Variants in SLC31A1 observed in about 807,000 individuals in gnomAD.
SLC31A1 encodes high affinity copper uptake protein 1.
A neutral mutation model predicts 17.2 loss-of-function variants in SLC31A1; 5 were observed. The ratio of observed to expected loss-of-function variants is 0.29; its 90% CI spans 0.15 to 0.61. SLC31A1 has a LOEUF of 0.61. Among genes scored for constraint, SLC31A1 ranks in the 20% least tolerant of loss-of-function variants. The pLI, the probability that SLC31A1 is intolerant of heterozygous loss-of-function variation, is 0.86. For synonymous variants in SLC31A1, 76 were observed against 78.8 expected, an observed-to-expected ratio of 0.96 and a Z score of 0.19; for missense variants, 161 against 241.4, an observed-to-expected ratio of 0.67 and a Z score of 2.21.
intron 1 of SLC31A1, among the ~76,000 whole-genome samples, chr9:113,242,675 G>C (rs534839322): frequency 1.3e-5 from 2 of 152,244 alleles, no homozygotes; most frequent in East Asian, 3.9e-4. Context: ...AAAGCACTGG[G>C]ATTACATTAC....
chr9:113,255,208 A>G (rs1831706793), intron 1 of SLC31A1, among the ~76,000 whole-genome samples: 1 of 152,226 alleles, frequency 6.6e-6, no homozygotes, highest in Non-Finnish European at 1.5e-5. Flanking sequence ...TATCCTGATT[A>G]GGCACAGGCC....
chr9:113,229,621 C>A lies in SLC31A1; in HGVS notation c.-36+7943C>A, dbSNP rs75163844. 2.5e-3 allele frequency among the ~76,000 whole-genome samples: 375 copies of A among 152,240 alleles called. 3 individuals are homozygous for A. Among genetic ancestry groups the A allele is most frequent in the African/African-American group, 8.2e-3 (341 of 41,546 alleles). ...CCTGTTATAAGTAACTTTGTACATA[C>A]ACATTTCACATATGTGCCAGTTTAT... is the stretch of plus-strand genomic sequence containing the variant. On this transcript the variant is annotated intron_variant, in intron 1 of 4. Coordinates refer to ENST00000374212, the MANE Select transcript of SLC31A1 (RefSeq NM_001859.4).
chr9:113,255,478 G>C (rs1831710317), intron 1 of SLC31A1, among the ~76,000 whole-genome samples: 1 of 152,184 alleles, frequency 6.6e-6, no homozygotes, highest in African/African-American at 2.4e-5. Flanking sequence ...CACTTTGGGA[G>C]GCCAAGGCAA....
At chr9:113,224,145 T>C (rs897790951) in intron 1 of SLC31A1, among the ~76,000 whole-genome samples, 1 of 152,240 alleles carries the variant, frequency 6.6e-6, no homozygotes, top group Non-Finnish European at 1.5e-5. Flanking sequence ...ATGTATTGTC[T>C]ATGACTCCTC....
At chr9:113,234,371 T>G (rs1452186429) in intron 1 of SLC31A1, among the ~76,000 whole-genome samples, 1 of 151,600 alleles carries the variant, frequency 6.6e-6, no homozygotes, top group Non-Finnish European at 1.5e-5. Flanking sequence ...GAGATGGGGT[T>G]TCACCATGTT....
Position 113,257,152 on chromosome 9 carries a change from C to T in SLC31A1, c.169C>T (p.Leu57=). The change falls in exon 3 of 5, where the codon CTG becomes TTG. Residue 57 remains leucine, a synonymous_variant. Transcript: ENST00000374212. ...CTTTGGCTTTAAGAATGTGGAACTA[C>T]TGTTTTCCGGTTTGGTGATCAATAC... is the stretch of plus-strand genomic sequence containing the variant. ...FYFGFKNVEL[L]FSGLVINTAG... The T allele has an allele frequency of 1.2e-6, 2 of 1,613,940 alleles. No homozygotes were observed. Among genetic ancestry groups the T allele is most frequent in the Non-Finnish European group, 1.7e-6 (2 of 1,179,872 alleles).
intron 1 of SLC31A1, among the ~76,000 whole-genome samples, chr9:113,228,891 G>T (rs1012807404): frequency 6.6e-6 from 1 of 152,084 alleles, no homozygotes; most frequent in Admixed American, 6.5e-5. Context: ...TTGTTGCCCA[G>T]GCTGAAGTGC....
At chr9:113,235,321 T>TA (rs1831444836) in intron 1 of SLC31A1, among the ~76,000 whole-genome samples, 1 of 152,202 alleles carries the variant, frequency 6.6e-6, no homozygotes, top group Admixed American at 6.5e-5. Context: ...CTGACTCTAA[T>TA]AAGTGCTGAG....
intron 1 of SLC31A1, among the ~76,000 whole-genome samples, chr9:113,238,710 G>A (rs903881594): frequency 4.6e-5 from 7 of 152,162 alleles, no homozygotes; most frequent in Admixed American, 6.5e-5. Flanking sequence ...TGCAGAGATC[G>A]TGACACTGCA....
chr9:113,246,106 A>G (rs1432351510), intron 1 of SLC31A1, among the ~76,000 whole-genome samples: 1 of 152,004 alleles, frequency 6.6e-6, no homozygotes, highest in Admixed American at 6.6e-5. Flanking sequence ...GCTGGAGTGC[A>G]GTGGTGCAAT....
In SLC31A1 at chr9:113,260,799, A is replaced by G. The variant is rs554263029; in HGVS notation, c.*326A>G. The G allele has an allele frequency of 5.1e-5, 18 of 351,876 alleles. No individual in the cohort carries two copies. Among genetic ancestry groups the G allele is most frequent in the Non-Finnish European group, 8.1e-5 (15 of 184,290 alleles). The allele number at this position is 351,876 out of a possible 1,614,324, so 21.8% of individuals were successfully genotyped here. On this transcript the variant is annotated 3_prime_UTR_variant, in exon 5 of 5. Transcript: ENST00000374212. ...TCTAATCCATGTAGCTTTTTGTTCA[A>G]TGACTTGATCATCTGCTTCCTTTTT...
Position 113,257,185 on chromosome 9 carries a change from GGTGA to G in SLC31A1, c.202+3_202+6del, listed in dbSNP as rs771667701. ...CGGTTTGGTGATCAATACAGCTGGAGGTGAGTAAGCCATTAGGTAGTGTTGGAAG... is the reference window on the plus strand; with the variant it reads ...CGGTTTGGTGATCAATACAGCTGGAGGTAAGCCATTAGGTAGTGTTGGAAG... On this transcript the variant is annotated splice_donor_variant and splice_donor_region_variant and intron_variant, in intron 3 of 4. Coordinates refer to ENST00000374212, the MANE Select transcript of SLC31A1 (RefSeq NM_001859.4). LOFTEE classifies it high-confidence loss of function. 2 of 1,612,946 alleles carry G rather than the reference GGTGA, an allele frequency of 1.2e-6. No individual in the cohort carries two copies. Among genetic ancestry groups the G allele is most frequent in the African/African-American group, 2.7e-5 (2 of 74,884 alleles).
At chr9:113,227,713 T>C (rs1831357173) in intron 1 of SLC31A1, 1 of 152,242 alleles carries the variant, frequency 6.6e-6, no homozygotes, top group African/African-American at 2.4e-5. Context: ...ATATTACTCA[T>C]AGGCAAACCA....
At position 113,256,531 on chromosome 9, in the gene SLC31A1, G is replaced by T. The variant is rs1831730441; in HGVS notation, c.129+254G>T. ...TGAAATCGACTCTTTTCTGAATTAG[G>T]GGTTCTGGTCTTTATGCCTTGGGTG... On this transcript the variant is annotated intron_variant, in intron 2 of 4. Coordinates refer to ENST00000374212, the MANE Select transcript of SLC31A1 (RefSeq NM_001859.4). The T allele has an allele frequency of 9.9e-6, 4 of 405,544 alleles. No homozygotes were observed. The Admixed American group carries it at 1.5e-4, about 16-fold the overall frequency. 25.1% of individuals were successfully genotyped at this position (405,544 alleles called of 1,614,324 possible).
intron 4 of SLC31A1, among the ~76,000 whole-genome samples, chr9:113,259,835 C>T (rs917316685): frequency 1.3e-5 from 2 of 152,136 alleles, no homozygotes; most frequent in Non-Finnish European, 2.9e-5. Context: ...ATCAGCCCAC[C>T]TCGGCCTCCC....
chr9:113,243,866 C>G (rs1487094073), intron 1 of SLC31A1, among the ~76,000 whole-genome samples: 1 of 151,988 alleles, frequency 6.6e-6, no homozygotes, highest in East Asian at 1.9e-4. Flanking sequence ...AGAAGCTATT[C>G]CTACTGGCCA....
chr9:113,247,200 G>T (rs1831590657), intron 1 of SLC31A1, among the ~76,000 whole-genome samples: 1 of 152,136 alleles, frequency 6.6e-6, no homozygotes, highest in African/African-American at 2.4e-5. Context: ...AAGCAGAAGA[G>T]AAACTAGATA....
At chr9:113,238,254 G>A (rs759318158) in intron 1 of SLC31A1, among the ~76,000 whole-genome samples, 2 of 152,136 alleles carry the variant, frequency 1.3e-5, no homozygotes, top group South Asian at 2.1e-4. Context: ...GCATTGAGTC[G>A]GTAGAGGTCA....
chr9:113,256,155 C>A lies in SLC31A1; in HGVS notation c.7C>A (p.His3Asn). 4 of 1,612,140 alleles carry A rather than the reference C, an allele frequency of 2.5e-6. No individual in the cohort carries two copies. Among genetic ancestry groups the A allele is most frequent in the Non-Finnish European group, 3.4e-6 (4 of 1,179,926 alleles). ...TCAACTTTTCCTGGAAAAAATGGAT[C>A]ATTCCCACCATATGGGGATGAGCTA... MDHSHHMGMSYMD... is the reference protein window; with the variant it reads MDNSHHMGMSYMD... The change falls in exon 2 of 5, where the codon CAT (histidine) becomes AAT (asparagine). Residue 3 changes from histidine to asparagine, a missense_variant. Coordinates refer to ENST00000374212, the MANE Select transcript of SLC31A1 (RefSeq NM_001859.4).
Sources: gnomAD v4.1 joint callset for allele counts (sites outside exome capture counted in the v4.1 genomes callset) on GRCh38, gnomAD v4.1.1 for gene constraint, MANE v1.5 for transcripts, NCBI Gene and HGNC (gene_info 2026-07-23, HGNC 2026-07-21) for gene names.